The following CCDC85C variants were observed in gnomAD, a reference collection of about 807,000 sequenced individuals.
CCDC85C encodes coiled-coil domain containing 85C.
A neutral mutation model predicts 38.3 loss-of-function variants in CCDC85C; 18 were observed. The observed-to-expected ratio is 0.47, with a 90% CI of 0.33 to 0.70. CCDC85C has a LOEUF of 0.70. CCDC85C is among the 30% of genes least tolerant of loss of function. The pLI, the probability that CCDC85C is intolerant of heterozygous loss-of-function variation, is 0.03. For synonymous variants in CCDC85C, 264 were observed against 293.8 expected (o/e 0.90, Z 1.04); for missense variants, 566 against 621.2 (o/e 0.91, Z 0.94).
In CCDC85C at chr14:99,544,926, A is replaced by C. The variant is rs1158095011; in HGVS notation, c.794-8838T>G. ...ACCTAAAGTCCCACCTCGCGGATGC[A>C]TGCAAAAACGGAGCTGCCATGACCG... On this transcript the variant is annotated intron_variant, in intron 1 of 5. Coordinates refer to ENST00000380243, the MANE Select transcript of CCDC85C (RefSeq NM_001144995.2). The surrounding 1 kb of genome is among the most constrained non-coding windows in gnomAD (Gnocchi z 5.3). 6.6e-6 allele frequency among the ~76,000 whole-genome samples: 1 copy of C among 152,164 alleles called. No homozygotes were observed. The highest frequency in any genetic ancestry group is 1.9e-4 in the East Asian group (1 of 5,192).
Position 99,504,161 on chromosome 14 carries a change from A to G in CCDC85C, c.*11085T>C. ...TAGTTCATGTCAATATTGGAAATAAACAGAAGGAGTGAGCAAAATTGGAAC... is the reference window on the plus strand; with the variant it reads ...TAGTTCATGTCAATATTGGAAATAAGCAGAAGGAGTGAGCAAAATTGGAAC... On this transcript the variant is annotated 3_prime_UTR_variant, in exon 6 of 6. Coordinates refer to ENST00000380243, the MANE Select transcript of CCDC85C (RefSeq NM_001144995.2). 1 of 266,776 alleles carries G rather than the reference A, an allele frequency of 3.7e-6. No individual in the cohort carries two copies. 16.5% of individuals were successfully genotyped at this position (266,776 alleles called of 1,614,324 possible).
chr14:99,569,597 G>A lies in CCDC85C; in HGVS notation c.794-33509C>T, dbSNP rs1267122959. 6.6e-6 allele frequency among the ~76,000 whole-genome samples: 1 copy of A among 152,180 alleles called. No homozygotes were observed. Among genetic ancestry groups the A allele is most frequent in the Non-Finnish European group, 1.5e-5 (1 of 68,028 alleles). On this transcript the variant is annotated intron_variant, in intron 1 of 5. Coordinates refer to ENST00000380243, the MANE Select transcript of CCDC85C (RefSeq NM_001144995.2). This position sits in a 1 kb window ranked among gnomAD's most constrained non-coding sequence, Gnocchi z 4.3. ...CAACGGTCCCAGGCCAAAAAGCCAGGACACTCCAGAGCCAAGAGCTGAACC... is the reference window on the plus strand; with the variant it reads ...CAACGGTCCCAGGCCAAAAAGCCAGAACACTCCAGAGCCAAGAGCTGAACC...
intron 1 of CCDC85C, among the ~76,000 whole-genome samples, chr14:99,542,618 C>T (rs1448864364): frequency 1.3e-5 from 2 of 152,186 alleles, no homozygotes; most frequent in African/African-American, 4.8e-5. Context: ...CTCCTCTTCC[C>T]AGGCAGTCCT....
chr14:99,588,841 G>A lies in CCDC85C; in HGVS notation c.793+14326C>T, dbSNP rs2055054137. On this transcript the variant is annotated intron_variant, in intron 1 of 5. Coordinates refer to ENST00000380243, the MANE Select transcript of CCDC85C (RefSeq NM_001144995.2). This position sits in a 1 kb window ranked among gnomAD's most constrained non-coding sequence, Gnocchi z 5.0. ...GCTAGGAGCAGCCTTGGGCAAGGCT[G>A]ACAAAAAGGATGGCCTGAGCTCCTA... 6.6e-6 allele frequency among the ~76,000 whole-genome samples: 1 copy of A among 152,112 alleles called. No homozygotes were observed. The highest frequency in any genetic ancestry group is 1.9e-4 in the East Asian group (1 of 5,164).
chr14:99,560,612 G>A (rs1366001703), intron 1 of CCDC85C, among the ~76,000 whole-genome samples: 1 of 152,218 alleles, frequency 6.6e-6, no homozygotes, highest in Non-Finnish European at 1.5e-5. Context: ...CTGTCCACCT[G>A]GGCATTCAAA....
chr14:99,513,312 G>C lies in CCDC85C; in HGVS notation c.*1934C>G, dbSNP rs936805311. On this transcript the variant is annotated 3_prime_UTR_variant, in exon 6 of 6. Coordinates refer to ENST00000380243, the MANE Select transcript of CCDC85C (RefSeq NM_001144995.2). ...TACTCTGCGGTTCTTTGGACTGCAA[G>C]ACCCAGAGGGGCCTCTGCTCAGCTG... 2 of 152,242 alleles carry C rather than the reference G, an allele frequency of 1.3e-5. No homozygotes were observed. Among genetic ancestry groups the C allele is most frequent in the Non-Finnish European group, 2.9e-5 (2 of 68,030 alleles). 9.4% of individuals were successfully genotyped at this position (152,242 alleles called of 1,614,324 possible). A position where few individuals can be genotyped will look rare whatever the true frequency, so the allele number is the denominator to read the frequency against.
Position 99,500,646 on chromosome 14 carries a change from A to G in CCDC85C, c.*14600T>C. On this transcript the variant is annotated 3_prime_UTR_variant, in exon 6 of 6. Transcript: ENST00000380243. ...GTCTGAGTGGGAGAGAAAGGAAGGA[A>G]AGGCAGTTGCTAAAATATAACTTGA... 1 of 701,058 alleles carries G rather than the reference A, an allele frequency of 1.4e-6. No individual in the cohort carries two copies. The highest frequency in any genetic ancestry group is 1.7e-5 in the South Asian group (1 of 60,082). The allele number at this position is 701,058 out of a possible 1,614,324, so 43.4% of individuals were successfully genotyped here. A position where few individuals can be genotyped will look rare whatever the true frequency, so the allele number is the denominator to read the frequency against.
chr14:99,566,075 T>C (rs1898210725), intron 1 of CCDC85C, among the ~76,000 whole-genome samples: 2 of 152,228 alleles, frequency 1.3e-5, no homozygotes, highest in Admixed American at 6.5e-5. Context: ...GGCAACATTA[T>C]GGAGGGTCAC....
At position 99,516,413 on chromosome 14, in the gene CCDC85C, C is replaced by G; in HGVS notation, c.1072-127G>C. The G allele has an allele frequency of 3.0e-6, 2 of 677,796 alleles. No individual in the cohort carries two copies. The highest frequency in any genetic ancestry group is 5.5e-5 in the East Asian group (2 of 36,544). The allele number at this position is 677,796 out of a possible 1,614,324, so 42.0% of individuals were successfully genotyped here. On this transcript the variant is annotated intron_variant, in intron 4 of 5. Transcript: ENST00000380243. This position sits in a 1 kb window ranked among gnomAD's most constrained non-coding sequence, Gnocchi z 5.5. The stretch of plus-strand genomic sequence containing the variant: ...CTGAGGACCCTGAGCCGCTGGGCCC[C>G]TGGGGACAAGCGTGGAAAAAACTGA...
At chr14:99,524,251 C>T (rs888630435) in intron 2 of CCDC85C, among the ~76,000 whole-genome samples, 3 of 152,096 alleles carry the variant, frequency 2.0e-5, no homozygotes, top group Non-Finnish European at 4.4e-5. Flanking sequence ...GGCCACACAG[C>T]CAGGAAGGGT....
At chr14:99,563,915 G>A (rs995864468) in intron 1 of CCDC85C, among the ~76,000 whole-genome samples, 7 of 152,020 alleles carry the variant, frequency 4.6e-5, no homozygotes, top group Admixed American at 6.6e-5. Flanking sequence ...CCTTGGCAAT[G>A]GAACCCTGGG....
rs1377396518 is a variant in CCDC85C, at chr14:99,506,329, G to C, written c.*8917C>G. The C allele has an allele frequency of 2.6e-5, 4 of 152,250 alleles. No individual in the cohort carries two copies. The highest frequency in any genetic ancestry group is 5.9e-5 in the Non-Finnish European group (4 of 68,080). 9.4% of individuals were successfully genotyped at this position (152,250 alleles called of 1,614,324 possible). A position where few individuals can be genotyped will look rare whatever the true frequency, so the allele number is the denominator to read the frequency against. On this transcript the variant is annotated 3_prime_UTR_variant, in exon 6 of 6. Coordinates refer to ENST00000380243, the MANE Select transcript of CCDC85C (RefSeq NM_001144995.2). Reference sequence around the variant, plus strand: ...CCTCAGCATGCAAACAGAAAAATAGGGTTCTTTTTCAGTTGTGATGTGCAC... The same window carrying C: ...CCTCAGCATGCAAACAGAAAAATAGCGTTCTTTTTCAGTTGTGATGTGCAC...
At chr14:99,600,298 T>C (rs1484897444) in intron 1 of CCDC85C, among the ~76,000 whole-genome samples, 2 of 152,178 alleles carry the variant, frequency 1.3e-5, no homozygotes, top group Admixed American at 1.3e-4. Flanking sequence ...CTGTCCATCT[T>C]ACAGAAGAGG....
intron 1 of CCDC85C, among the ~76,000 whole-genome samples, chr14:99,540,117 C>T (rs1006872876): frequency 6.6e-6 from 1 of 151,870 alleles, no homozygotes; most frequent in African/African-American, 2.4e-5. Flanking sequence ...CACTGCAGTC[C>T]AGATGGGCGA....
intron 1 of CCDC85C, among the ~76,000 whole-genome samples, chr14:99,542,127 G>C (rs560244595): frequency 6.6e-6 from 1 of 152,230 alleles, no homozygotes; most frequent in Non-Finnish European, 1.5e-5. Context: ...TGATACCACC[G>C]TTCAGCGCAG....
chr14:99,573,867 G>T (rs547779893), intron 1 of CCDC85C, among the ~76,000 whole-genome samples: 1 of 152,144 alleles, frequency 6.6e-6, no homozygotes, highest in African/African-American at 2.4e-5. Flanking sequence ...CTTCTGGGCC[G>T]CCGAGCACTC....
At position 99,603,427 on chromosome 14, in the gene CCDC85C, C is replaced by A. The variant is rs1484277920; in HGVS notation, c.533G>T (p.Ser178Ile). 2 of 1,269,154 alleles carry A rather than the reference C, an allele frequency of 1.6e-6. No individual in the cohort carries two copies. Among genetic ancestry groups the A allele is most frequent in the African/African-American group, 1.6e-5 (1 of 63,670 alleles). 78.6% of individuals were successfully genotyped at this position (1,269,154 alleles called of 1,614,324 possible). ...CAGGCTGGCCTGGCTGTCGATGGAG[C>A]TGCGGGAGCCGGCGCCGCCCCCGCC... is the stretch of plus-strand genomic sequence containing the variant. ...GGGGGGAGSR[S>I]SIDSQASLSG... The change falls in exon 1 of 6, where the codon AGC (serine) becomes ATC (isoleucine). Residue 178 changes from serine (S) to isoleucine (I), a missense_variant. Around this residue, in one of 3 missense-constraint regions of CCDC85C, gnomAD observed 269 missense variants for 308.2 expected, o/e 0.87. Transcript: ENST00000380243. The surrounding 1 kb of genome is among the most constrained non-coding windows in gnomAD (Gnocchi z 7.5).
intron 1 of CCDC85C, among the ~76,000 whole-genome samples, chr14:99,593,940 T>C (rs764412411): frequency 6.6e-6 from 1 of 150,918 alleles, no homozygotes; most frequent in Non-Finnish European, 1.5e-5. Flanking sequence ...AAAAGGTATA[T>C]ATTTTAGTAA....
At chr14:99,553,179 GCC>G (rs1897945847) in intron 1 of CCDC85C, among the ~76,000 whole-genome samples, 1 of 152,164 alleles carries the variant, frequency 6.6e-6, no homozygotes, top group South Asian at 2.1e-4. Flanking sequence ...GAAGGATGAG[GCC>G]CCCTCACTGA....
Sources: gnomAD v4.1 joint callset for allele counts (sites outside exome capture counted in the v4.1 genomes callset) on GRCh38, gnomAD v4.1.1 for gene constraint, gnomAD v4.1.1 regional missense constraint, Gnocchi (gnomAD v3.1) non-coding constraint, MANE v1.5 for transcripts, NCBI Gene and HGNC (gene_info 2026-07-23, HGNC 2026-07-21) for gene names.